RIPK1: variants seen among roughly 807,000 people sequenced by gnomAD.
The protein encoded by RIPK1 is receptor-interacting serine/threonine-protein kinase 1.
Under a neutral mutation model 62.4 loss-of-function variants are expected in RIPK1, and 27 were observed. That is an observed-to-expected ratio of 0.43 (90% CI 0.32 to 0.60). The LOEUF is 0.60. RIPK1 is among the 20% of genes least tolerant of loss of function. The pLI is 0.07. For synonymous variants in RIPK1, 287 were observed against 303.2 expected (o/e 0.95, Z 0.55); for missense variants, 735 against 831.0 (o/e 0.88, Z 1.42).
intron 8 of RIPK1, among the ~76,000 whole-genome samples, chr6:3,104,555 G>A (rs1179176843): frequency 1.3e-5 from 2 of 152,136 alleles, no homozygotes. Flanking sequence ...TATCTGATGG[G>A]GAGAAGTGAC....
chr6:3,069,656 A>T (rs979977639), intron 1 of RIPK1, among the ~76,000 whole-genome samples: 3 of 152,238 alleles, frequency 2.0e-5, no homozygotes, highest in Non-Finnish European at 4.4e-5. Context: ...CTTAGTACTC[A>T]TCTGCATTCT....
intron 4 of RIPK1, 31 bp downstream of exon 4, chr6:3,081,147 T>G (rs367561249): frequency 1.2e-6 from 2 of 1,606,500 alleles, no homozygotes; most frequent in Admixed American, 3.4e-5. Flanking sequence ...TTCCAGAAAG[T>G]TGGGTGATTT....
chr6:3,076,817 C>T lies in RIPK1; in HGVS notation c.-7C>T. On this transcript the variant is annotated 5_prime_UTR_variant, in exon 2 of 11. Coordinates refer to ENST00000259808, the MANE Select transcript of RIPK1 (RefSeq NM_001354930.2). The stretch of plus-strand genomic sequence containing the variant: ...TGGTACCATTTTGGGCGTTCTTGAG[C>T]TTCAGAATGCAACCAGACATGTCCT... 6.2e-7 allele frequency: 1 copy of T among 1,611,662 alleles called. No homozygotes were observed. Among genetic ancestry groups the T allele is most frequent in the Non-Finnish European group, 8.5e-7 (1 of 1,179,322 alleles).
chr6:3,067,140 CT>C (rs1400556384), upstream of RIPK1, among the ~76,000 whole-genome samples: 1 of 129,320 alleles, frequency 7.7e-6, no homozygotes, highest in East Asian at 2.4e-4. Context: ...CACAGCTTAT[CT>C]GTCCACCCAT....
At position 3,068,715 on chromosome 6, in the gene RIPK1, C is replaced by T. The variant is rs970034971; in HGVS notation, c.-61+54C>T. 17 of 969,318 alleles carry T rather than the reference C, an allele frequency of 1.8e-5. No individual in the cohort carries two copies. The African/African-American group carries it at 2.6e-4, about 15-fold the overall frequency. The allele number at this position is 969,318 out of a possible 1,614,324, so 60.0% of individuals were successfully genotyped here. ...ATTCCGGAGGCCGCCGGGCTCAGTCCCGGTGACCCCCCTGGTCGGGGTTCG... is the reference window on the plus strand; with the variant it reads ...ATTCCGGAGGCCGCCGGGCTCAGTCTCGGTGACCCCCCTGGTCGGGGTTCG... On this transcript the variant is annotated intron_variant, in intron 1 of 10. Coordinates refer to ENST00000259808, the MANE Select transcript of RIPK1 (RefSeq NM_001354930.2).
chr6:3,070,016 A>T (rs1758621107), intron 1 of RIPK1, among the ~76,000 whole-genome samples: 1 of 152,222 alleles, frequency 6.6e-6, no homozygotes, highest in South Asian at 2.1e-4. Context: ...TATCAAAAAA[A>T]AAAATAAATA....
rs755668565 is a variant in RIPK1 at position 3,104,304 on chromosome 6, G to A, written c.995G>A (p.Arg332Gln). ...GATTGTGTGGCAGTACCTTCAAGCC[G>A]GTCAAATTCAGGTAAATTACACTAT... ...QLDCVAVPSSRSNSATEQPGS... is the reference protein window; with the variant it reads ...QLDCVAVPSSQSNSATEQPGS... Residue 332 changes from arginine to glutamine, a missense_variant, in exon 8 of 11, where the codon CGG becomes CAG. Arg to Gln is a conservative substitution (Grantham distance 43, BLOSUM62 1). Transcript: ENST00000259808. The A allele has an allele frequency of 1.3e-5, 20 of 1,575,590 alleles. No homozygotes were observed. The highest frequency in any genetic ancestry group is 1.7e-5 in the Admixed American group (1 of 59,006).
chr6:3,088,575 G>T (rs1456292011), intron 6 of RIPK1: 1 of 152,360 alleles, frequency 6.6e-6, no homozygotes, highest in Non-Finnish European at 1.5e-5. Context: ...TACCCCGGTG[G>T]GGGTGTTGGG....
Position 3,108,915 on chromosome 6 carries a change from G to A in RIPK1, c.1577-1888G>A, listed in dbSNP as rs372823061. Among the ~76,000 whole-genome samples, 20 of 152,228 alleles carry A rather than the reference G, an allele frequency of 1.3e-4. No homozygotes were observed. In the East Asian group the frequency reaches 1.4e-3, roughly 10 times the overall value. Reference sequence around the variant, plus strand: ...AGCACAGTGCCTGGTCCAGAGGGTGGCCTACCTTAGGGCCAGGTGTGCTGA... The same window carrying A: ...AGCACAGTGCCTGGTCCAGAGGGTGACCTACCTTAGGGCCAGGTGTGCTGA... On this transcript the variant is annotated intron_variant, in intron 9 of 10. Transcript: ENST00000259808.
At chr6:3,085,052 G>A (rs1380509687) in intron 5 of RIPK1, among the ~76,000 whole-genome samples, 1 of 152,172 alleles carries the variant, frequency 6.6e-6, no homozygotes, top group African/African-American at 2.4e-5. Flanking sequence ...CAGCTTTGTC[G>A]AGAATTTTGT....
upstream of RIPK1, among the ~76,000 whole-genome samples, chr6:3,064,699 C>A (rs1042466310): frequency 7.9e-5 from 12 of 152,098 alleles, no homozygotes; most frequent in African/African-American, 2.9e-4. Flanking sequence ...GGAATCAGAG[C>A]CTCCGGGCCG....
At position 3,085,443 on chromosome 6, in the gene RIPK1, C is replaced by T. The variant is rs757118296; in HGVS notation, c.838+35C>T. On this transcript the variant is annotated intron_variant, in intron 6 of 10. Coordinates refer to ENST00000259808, the MANE Select transcript of RIPK1 (RefSeq NM_001354930.2). ...TCTTTTCTGACTGTGTAGGATGCAT[C>T]CTGTGTGGTGATTTTCCTAGTAACA... The T allele has an allele frequency of 5.0e-6, 8 of 1,604,062 alleles. No individual in the cohort carries two copies. In the Admixed American group the frequency reaches 5.0e-5, roughly 10 times the overall value.
At chr6:3,067,188 T>C (rs1212064315), upstream of RIPK1, among the ~76,000 whole-genome samples, 2 of 151,624 alleles carry the variant, frequency 1.3e-5, no homozygotes, top group Non-Finnish European at 1.5e-5. Context: ...TTTTGGCAAT[T>C]ATGAATAAAG....
At chr6:3,085,222 G>C in intron 5 of RIPK1, 37 bp from the exon 6 acceptor site, 1 of 1,612,348 alleles carries the variant, frequency 6.2e-7, no homozygotes. Context: ...CTGCCTGAGA[G>C]AGGAGCAAGA....
chr6:3,087,647 T>A (rs566780175), intron 6 of RIPK1, among the ~76,000 whole-genome samples: 1 of 151,960 alleles, frequency 6.6e-6, no homozygotes, highest in African/African-American at 2.4e-5. Context: ...TCACGCCATT[T>A]TCCTGCCTCA....
At chr6:3,101,701 A>G (rs1760595252) in intron 7 of RIPK1, among the ~76,000 whole-genome samples, 1 of 152,188 alleles carries the variant, frequency 6.6e-6, no homozygotes, top group Admixed American at 6.5e-5. Context: ...AAAACTATGG[A>G]TAGGTTTTAA....
intron 7 of RIPK1, among the ~76,000 whole-genome samples, chr6:3,102,875 C>A (rs1334005484): frequency 6.6e-6 from 1 of 152,138 alleles, no homozygotes; most frequent in Non-Finnish European, 1.5e-5. Context: ...GGATTACAGG[C>A]GTGAGCTCCC....
At position 3,089,611 on chromosome 6, in the gene RIPK1, T is replaced by TAA; in HGVS notation, c.870_871dup (p.Ser291LysfsTer4). 1 of 1,579,740 alleles carries TAA rather than the reference T, an allele frequency of 6.3e-7. No individual in the cohort carries two copies. Among genetic ancestry groups the TAA allele is most frequent in the Non-Finnish European group, 8.7e-7 (1 of 1,152,238 alleles). On this transcript the variant is annotated frameshift_variant, in exon 7 of 11. Coordinates refer to ENST00000259808, the MANE Select transcript of RIPK1 (RefSeq NM_001354930.2). LOFTEE classifies it high-confidence loss of function. ...GAAGAAAAATTTAGGCCTTTTTATT[T>TAA]AAGTCAATTAGAAGAAAGTGTAGAA...
chr6:3,089,451 T>A lies in RIPK1; in HGVS notation c.839-130T>A, dbSNP rs1001715660. ...TTAGTCTCTATCAGAGTCAGTGATT[T>A]GGAGCTTAAATTTTTATTTAAGCTT... On this transcript the variant is annotated intron_variant, in intron 6 of 10. Coordinates refer to ENST00000259808, the MANE Select transcript of RIPK1 (RefSeq NM_001354930.2). 6.0e-5 allele frequency: 38 copies of A among 634,088 alleles called. No individual in the cohort carries two copies. The Middle Eastern group carries it at 2.6e-3, about 43-fold the overall frequency. The allele number at this position is 634,088 out of a possible 1,614,324, so 39.3% of individuals were successfully genotyped here.
Sources: allele counts gnomAD v4.1 joint callset (sites outside exome capture counted in the v4.1 genomes callset), GRCh38; gene constraint gnomAD v4.1.1; transcripts MANE v1.5; gene names NCBI Gene and HGNC (gene_info 2026-07-23, HGNC 2026-07-21).